The following MMS22L variants were observed in gnomAD, a reference collection of about 807,000 sequenced individuals.
MMS22L encodes the protein protein MMS22-like.
Under a neutral mutation model 159.1 loss-of-function variants are expected in MMS22L, and 74 were observed. The observed-to-expected ratio is 0.47, with a 90% CI of 0.39 to 0.56. The LOEUF (loss-of-function observed/expected upper bound fraction) is 0.56, where lower values mean the gene tolerates loss of function less well. Ranked by LOEUF, MMS22L falls within the 20% of genes least tolerant of loss-of-function variation. The pLI is 0.00. For missense variants in MMS22L, 1,351 were observed against 1,422.1 expected (o/e 0.95, Z 0.80); for synonymous variants, 517 against 506.9 (o/e 1.02, Z -0.27).
At chr6:97,279,130 A>G (rs1211487408) in intron 3 of MMS22L, among the ~76,000 whole-genome samples, 1 of 152,216 alleles carries the variant, frequency 6.6e-6, no homozygotes, top group Non-Finnish European at 1.5e-5. Flanking sequence ...AAGACTGCAT[A>G]TATCTCAAAA....
rs1032387136 is a variant in MMS22L at position 97,165,231 on chromosome 6, A to C, written c.3221+15T>G. 2 of 1,602,104 alleles carry C rather than the reference A, an allele frequency of 1.2e-6. No homozygotes were observed. The highest frequency in any genetic ancestry group is 1.7e-6 in the Non-Finnish European group (2 of 1,169,940). ...TAATTTGTACATACCACCTATATTTAATATTTAGATGTACCTTATGACTTG... is the reference window on the plus strand; with the variant it reads ...TAATTTGTACATACCACCTATATTTCATATTTAGATGTACCTTATGACTTG... On this transcript the variant is annotated intron_variant, in intron 21 of 24. Transcript: ENST00000683635.
chr6:97,199,420 T>C (rs1806897824), intron 14 of MMS22L, among the ~76,000 whole-genome samples: 1 of 152,156 alleles, frequency 6.6e-6, no homozygotes, highest in Non-Finnish European at 1.5e-5. Flanking sequence ...TATGTATCAA[T>C]AAATATTGAA....
chr6:97,151,701 T>C (rs1480027202), intron 23 of MMS22L, 70 bp downstream of exon 23: 6 of 1,200,514 alleles, frequency 5.0e-6, no homozygotes, highest in Non-Finnish European at 7.4e-6. Flanking sequence ...TAATTAGTTA[T>C]TTAAAAAACA....
rs145103279 is a variant in MMS22L, at chr6:97,254,683, T to C, written c.993A>G (p.Ser331=). 8 of 1,611,554 alleles carry C rather than the reference T, an allele frequency of 5.0e-6. No homozygotes were observed. In the African/African-American group the frequency reaches 1.1e-4, roughly 22 times the overall value. The change falls in exon 10 of 25, where the codon TCA becomes TCG. Residue 331 remains serine, a synonymous_variant. Coordinates refer to ENST00000683635, the MANE Select transcript of MMS22L (RefSeq NM_001350599.2). ...NKLLKTLLEK[S]SDRRRSSMPV... ...GCATAGAGGATCTTCTTCGGTCACTTGATTTTTCAAGCAGTGTTTTAAGTA... is the reference window on the plus strand; with the variant it reads ...GCATAGAGGATCTTCTTCGGTCACTCGATTTTTCAAGCAGTGTTTTAAGTA...
chr6:97,205,064 C>T (rs1807631198), intron 14 of MMS22L, among the ~76,000 whole-genome samples: 1 of 150,470 alleles, frequency 6.6e-6, no homozygotes, highest in Non-Finnish European at 1.5e-5. Context: ...CTGCCTTAGC[C>T]TCCGGAGTAG....
chr6:97,250,291 G>A (rs1277475423), intron 10 of MMS22L, among the ~76,000 whole-genome samples: 1 of 152,124 alleles, frequency 6.6e-6, no homozygotes, highest in Non-Finnish European at 1.5e-5. Context: ...CAGATATGTA[G>A]AACAGATTCT....
At chr6:97,154,140 C>G (rs945502768) in intron 22 of MMS22L, among the ~76,000 whole-genome samples, 5 of 152,104 alleles carry the variant, frequency 3.3e-5, no homozygotes, top group African/African-American at 1.2e-4. Flanking sequence ...CATTATCTGA[C>G]TCCCTCATTA....
chr6:97,267,658 A>C (rs1256949872), intron 8 of MMS22L: 1 of 305,018 alleles, frequency 3.3e-6, no homozygotes, highest in Admixed American at 5.1e-5. Context: ...AAAAAAAAAA[A>C]AGAAAAAAAG....
intron 17 of MMS22L, 86 bp downstream of exon 17, chr6:97,179,322 C>T: frequency 8.7e-7 from 1 of 1,150,278 alleles, no homozygotes; most frequent in Non-Finnish European, 1.2e-6. Context: ...TGTATATTTT[C>T]TATTAATTAC....
intron 6 of MMS22L, chr6:97,270,957 A>G (rs1815670908): frequency 6.6e-6 from 1 of 152,182 alleles, no homozygotes; most frequent in Admixed American, 6.5e-5. Context: ...ACGGAAAAAT[A>G]TAACTATCTA....
chr6:97,262,096 G>C (rs975923325), intron 9 of MMS22L: 1 of 152,120 alleles, frequency 6.6e-6, no homozygotes, highest in Non-Finnish European at 1.5e-5. Flanking sequence ...TGAGTGCCCA[G>C]TTTTATGGAT....
chr6:97,239,067 G>A (rs1013667306), intron 11 of MMS22L, among the ~76,000 whole-genome samples: 35 of 151,074 alleles, frequency 2.3e-4, no homozygotes, highest in Non-Finnish European at 4.3e-4. Flanking sequence ...AACAGTAACT[G>A]TTACCAGAAG....
chr6:97,147,110 G>T (rs1288308794), intron 24 of MMS22L, among the ~76,000 whole-genome samples: 6 of 152,014 alleles, frequency 3.9e-5, no homozygotes, highest in Admixed American at 3.9e-4. Flanking sequence ...TATAAAATGT[G>T]TGCTAAAAAT....
At chr6:97,177,984 A>G (rs138765876) in intron 18 of MMS22L, among the ~76,000 whole-genome samples, 2 of 152,248 alleles carry the variant, frequency 1.3e-5, no homozygotes, top group East Asian at 3.9e-4. Context: ...AACAAAACAA[A>G]ACAAATGGAT....
chr6:97,143,242 A>T lies in MMS22L; in HGVS notation c.*3564T>A, dbSNP rs1165319298. On this transcript the variant is annotated 3_prime_UTR_variant, in exon 25 of 25. Transcript: ENST00000683635. ...TATATTTTAATTTTCTTCCTATTTA[A>T]GTGTCTTCAATTTCTATAGGAAAGA... 6.6e-6 allele frequency: 1 copy of T among 152,150 alleles called. No individual in the cohort carries two copies. Among genetic ancestry groups the T allele is most frequent in the African/African-American group, 2.4e-5 (1 of 41,436 alleles). 9.4% of individuals were successfully genotyped at this position (152,150 alleles called of 1,614,324 possible). A position where few individuals can be genotyped will look rare whatever the true frequency, so the allele number is the denominator to read the frequency against.
chr6:97,274,088 G>A (rs1562530061), intron 4 of MMS22L, among the ~76,000 whole-genome samples: 2 of 152,024 alleles, frequency 1.3e-5, no homozygotes, highest in South Asian at 4.1e-4. Flanking sequence ...AATTATCTAG[G>A]TAGTTACTAT....
chr6:97,253,569 C>T (rs1218729493), intron 10 of MMS22L: 4 of 151,428 alleles, frequency 2.6e-5, no homozygotes, highest in African/African-American at 9.7e-5. Context: ...AAGCAATTCT[C>T]CTGTCTCCGT....
At chr6:97,244,616 C>T (rs1175226286) in intron 11 of MMS22L, among the ~76,000 whole-genome samples, 4 of 152,142 alleles carry the variant, frequency 2.6e-5, no homozygotes, top group South Asian at 4.1e-4. Flanking sequence ...ATTTTTCTCC[C>T]GTGCTGGATG....
intron 14 of MMS22L, among the ~76,000 whole-genome samples, chr6:97,196,838 T>C (rs1386621784): frequency 6.6e-6 from 1 of 152,146 alleles, no homozygotes; most frequent in African/African-American, 2.4e-5. Context: ...ATATTACTCA[T>C]TACAACATAC....
Sources: gnomAD v4.1 joint callset for allele counts (sites outside exome capture counted in the v4.1 genomes callset) on GRCh38, gnomAD v4.1.1 for gene constraint, MANE v1.5 for transcripts, NCBI Gene and HGNC (gene_info 2026-07-23, HGNC 2026-07-21) for gene names.